The following BCAR3 variants were observed in gnomAD, a reference collection of about 807,000 sequenced individuals.
BCAR3 encodes the protein BCAR3 adaptor protein, NSP family member.
In BCAR3, 37 loss-of-function variants were observed where a neutral mutation model predicts 80.1. The ratio of observed to expected loss-of-function variants is 0.46; its 90% CI spans 0.36 to 0.61. The LOEUF is 0.61. Ranked by LOEUF, BCAR3 falls within the 20% of genes least tolerant of loss-of-function variation. The pLI is 0.00. For missense variants in BCAR3, 978 were observed against 1,068.2 expected (o/e 0.92, Z 1.18); for synonymous variants, 389 against 418.9 (o/e 0.93, Z 0.87).
intron 7 of BCAR3, among the ~76,000 whole-genome samples, chr1:93,576,941 GGACA>G (rs1418900464): frequency 6.6e-6 from 1 of 152,180 alleles, no homozygotes; most frequent in African/African-American, 2.4e-5. Flanking sequence ...GACTGCTTGA[GGACA>G]GGAGTTTGAG....
chr1:93,772,843 A>C (rs1410431980), intron 2 of BCAR3, among the ~76,000 whole-genome samples: 1 of 152,082 alleles, frequency 6.6e-6, no homozygotes, highest in Non-Finnish European at 1.5e-5. Flanking sequence ...TGACCTCTTG[A>C]TCCGCCCACC....
At chr1:93,833,419 G>A (rs1178395413) in intron 2 of BCAR3, among the ~76,000 whole-genome samples, 2 of 152,174 alleles carry the variant, frequency 1.3e-5, no homozygotes, top group Non-Finnish European at 2.9e-5. Context: ...GGGTTCAAGA[G>A]CAGAGGACCA....
intron 2 of BCAR3, among the ~76,000 whole-genome samples, chr1:93,715,998 G>A (rs889768982): frequency 5.3e-5 from 8 of 152,186 alleles, no homozygotes; most frequent in South Asian, 2.1e-4. Flanking sequence ...AAATGTCAGC[G>A]TCTCTCCCCT....
intron 2 of BCAR3, among the ~76,000 whole-genome samples, chr1:93,652,380 C>A (rs546883445): frequency 1.3e-5 from 2 of 152,316 alleles, no homozygotes; most frequent in African/African-American, 4.8e-5. Flanking sequence ...TGCAGAAATG[C>A]TGTGTCTACT....
intron 5 of BCAR3, chr1:93,585,059 A>G (rs1673888195): frequency 1.0e-6 from 1 of 985,364 alleles, no homozygotes; most frequent in African/African-American, 1.7e-5. Flanking sequence ...AAGATAAGAC[A>G]AGACCGAGGG....
At chr1:93,791,967 A>G (rs1198389466) in intron 2 of BCAR3, among the ~76,000 whole-genome samples, 3 of 4,280 alleles carry the variant, frequency 7.0e-4, no homozygotes, top group Non-Finnish European at 6.6e-4. Flanking sequence ...AGTTGTAGAT[A>G]TGTGGGATTA....
chr1:93,610,085 T>A (rs1674903573), intron 3 of BCAR3, among the ~76,000 whole-genome samples: 1 of 152,114 alleles, frequency 6.6e-6, no homozygotes, highest in Admixed American at 6.5e-5. Context: ...GACCAACAAC[T>A]CCCACTGGGT....
intron 2 of BCAR3, among the ~76,000 whole-genome samples, chr1:93,838,985 A>G (rs1557705896): frequency 6.6e-6 from 1 of 152,238 alleles, no homozygotes; most frequent in Admixed American, 6.5e-5. Flanking sequence ...ATTTAGTTAT[A>G]AATAAACAAA....
chr1:93,768,915 G>A (rs1300460301), intron 2 of BCAR3, among the ~76,000 whole-genome samples: 1 of 152,232 alleles, frequency 6.6e-6, no homozygotes, highest in Non-Finnish European at 1.5e-5. Context: ...AACAGTCACA[G>A]ATGAAAATAA....
chr1:93,644,369 C>T (rs1011047827), intron 2 of BCAR3, among the ~76,000 whole-genome samples: 1 of 152,204 alleles, frequency 6.6e-6, no homozygotes, highest in Non-Finnish European at 1.5e-5. Context: ...TCCTTTCTAT[C>T]AATCCCCAGT....
intron 2 of BCAR3, among the ~76,000 whole-genome samples, chr1:93,652,075 G>C (rs541327090): frequency 1.3e-5 from 2 of 152,294 alleles, no homozygotes; most frequent in African/African-American, 4.8e-5. Flanking sequence ...CATCTAAAAC[G>C]CCTTGAGAGC....
Position 93,576,132 on chromosome 1 carries a change from G to A in BCAR3, c.1687-3C>T. 1 of 1,611,912 alleles carries A rather than the reference G, an allele frequency of 6.2e-7. No individual in the cohort carries two copies. Among genetic ancestry groups the A allele is most frequent in the Non-Finnish European group, 8.5e-7 (1 of 1,178,038 alleles). ...GAGACTCCAAGTATCCTAGCAACCT[G>A]TCAAGAGCCAAAGTTGAAATACACT... On this transcript the variant is annotated splice_region_variant and splice_polypyrimidine_tract_variant and intron_variant, in intron 7 of 11. Transcript: ENST00000260502.
intron 11 of BCAR3, among the ~76,000 whole-genome samples, chr1:93,564,931 G>T (rs1672881544): frequency 6.6e-6 from 1 of 152,160 alleles, no homozygotes. Flanking sequence ...TAGCCAAAGA[G>T]TCATGTGGTT....
In BCAR3 at chr1:93,613,747, A is replaced by G. The variant is rs551228743; in HGVS notation, c.358-21354T>C. 63 of 1,392,522 alleles carry G rather than the reference A, an allele frequency of 4.5e-5. 1 individual carries two copies. The South Asian group carries it at 8.1e-4, about 18-fold the overall frequency. 86.3% of individuals were successfully genotyped at this position (1,392,522 alleles called of 1,614,324 possible). A position where few individuals can be genotyped will look rare whatever the true frequency, so the allele number is the denominator to read the frequency against. ...AGAAAGCACCTCTGTTTTCACAATC[A>G]GCAAGCTGCAAACTTTTATCTATTG... On this transcript the variant is annotated intron_variant, in intron 3 of 11. Coordinates refer to ENST00000260502, the MANE Select transcript of BCAR3 (RefSeq NM_003567.4).
At chr1:93,682,748 T>G (rs1415020173), upstream of BCAR3, among the ~76,000 whole-genome samples, 2 of 152,196 alleles carry the variant, frequency 1.3e-5, no homozygotes, top group East Asian at 1.9e-4. Context: ...AGAGACGGGT[T>G]CACCATTTTG....
chr1:93,614,022 C>T, intron 3 of BCAR3: 1 of 1,509,432 alleles, frequency 6.6e-7, no homozygotes, highest in Non-Finnish European at 8.9e-7. Context: ...ACCACAGCAG[C>T]TGTGCTGTTT....
chr1:93,807,700 G>A (rs1177843181), intron 2 of BCAR3, among the ~76,000 whole-genome samples: 1 of 152,130 alleles, frequency 6.6e-6, no homozygotes, highest in Non-Finnish European at 1.5e-5. Flanking sequence ...CCTAGGGAAG[G>A]AGTCTTAAGA....
intron 2 of BCAR3, among the ~76,000 whole-genome samples, chr1:93,652,636 G>GT (rs34432398): frequency 2.4e-3 from 354 of 145,892 alleles, no homozygotes; most frequent in South Asian, 5.0e-3. Flanking sequence ...AAATGAAAAG[G>GT]TTTTTTTTTT....
intron 2 of BCAR3, among the ~76,000 whole-genome samples, chr1:93,811,447 T>A (rs1250840181): frequency 6.6e-6 from 1 of 152,208 alleles, no homozygotes; most frequent in African/African-American, 2.4e-5. Flanking sequence ...TCAAAGCAGT[T>A]AAGCACACAG....
Sources: gnomAD v4.1 joint callset for allele counts (sites outside exome capture counted in the v4.1 genomes callset) on GRCh38, gnomAD v4.1.1 for gene constraint, MANE v1.5 for transcripts, NCBI Gene and HGNC (gene_info 2026-07-23, HGNC 2026-07-21) for gene names.